Variants in ANK1 observed in about 807,000 individuals in gnomAD.
The protein encoded by ANK1 is ankyrin 1.
Under a neutral mutation model 210.4 loss-of-function variants are expected in ANK1, and 51 were observed. The ratio of observed to expected loss-of-function variants is 0.24; its 90% CI spans 0.19 to 0.31. ANK1 has a LOEUF of 0.31. Among genes scored for constraint, ANK1 ranks in the 10% least tolerant of loss-of-function variants. The pLI, the probability that ANK1 is intolerant of heterozygous loss-of-function variation, is 1.00. For synonymous variants in ANK1, 967 were observed against 1,025.9 expected (o/e 0.94, Z 1.10); for missense variants, 2,051 against 2,504.4 (o/e 0.82, Z 3.86).
intron 37 of ANK1, among the ~76,000 whole-genome samples, chr8:41,677,039 A>G (rs1472997287): frequency 1.3e-5 from 2 of 152,186 alleles, no homozygotes; most frequent in Non-Finnish European, 2.9e-5. Context: ...ATATGGGGCT[A>G]TATCTATTTC....
Position 41,700,582 on chromosome 8 carries a change from A to C in ANK1, c.2461+968T>G, listed in dbSNP as rs1014790604. On this transcript the variant is annotated intron_variant, in intron 22 of 42. Coordinates refer to ENST00000289734, the MANE Select transcript of ANK1 (RefSeq NM_000037.4). The stretch of plus-strand genomic sequence containing the variant: ...TAGTTGACAAAGTTATACAACCATG[A>C]AATTATCCAGATGGAAGGGACCACT... 1.4e-5 allele frequency: 14 copies of C among 979,128 alleles called. No homozygotes were observed. In the African/African-American group the frequency reaches 2.2e-4, roughly 16 times the overall value. The allele number at this position is 979,128 out of a possible 1,614,324, so 60.7% of individuals were successfully genotyped here. A position where few individuals can be genotyped will look rare whatever the true frequency, so the allele number is the denominator to read the frequency against.
intron 37 of ANK1, 186 bp downstream of exon 37, chr8:41,684,358 C>T: frequency 2.1e-6 from 2 of 963,392 alleles, no homozygotes; most frequent in African/African-American, 1.6e-5. Context: ...CAGGAGCAGC[C>T]ATCTCTCTCT....
chr8:41,717,835 T>C, intron 11 of ANK1, 133 bp from the exon 12 acceptor site: 1 of 988,402 alleles, frequency 1.0e-6, no homozygotes, highest in Non-Finnish European at 1.5e-6. Context: ...TGGGTTTGCT[T>C]CCAAGAAAAT....
chr8:41,685,874 C>T (rs998250518), intron 36 of ANK1, among the ~76,000 whole-genome samples: 1 of 152,226 alleles, frequency 6.6e-6, no homozygotes, highest in African/African-American at 2.4e-5. Context: ...CTTGGCCTCC[C>T]AAAGTGTGGG....
chr8:41,778,513 A>G (rs1294060098), intron 1 of ANK1, among the ~76,000 whole-genome samples: 2 of 152,224 alleles, frequency 1.3e-5, no homozygotes, highest in African/African-American at 4.8e-5. Flanking sequence ...GTGTTCCAGA[A>G]TCTTCTTGAT....
chr8:41,810,090 AC>A (rs1370509154), intron 1 of ANK1, among the ~76,000 whole-genome samples: 1 of 152,064 alleles, frequency 6.6e-6, no homozygotes, highest in Non-Finnish European at 1.5e-5. Flanking sequence ...TTCCATCTTT[AC>A]CCCTGACCTG....
intron 1 of ANK1, among the ~76,000 whole-genome samples, chr8:41,793,378 T>TCAAA (rs1408777850): frequency 6.6e-6 from 1 of 151,902 alleles, no homozygotes; most frequent in Non-Finnish European, 1.5e-5. Context: ...AGACCCTGTC[T>TCAAA]CAAACAAACA....
At chr8:41,881,776 C>T (rs538211564) in intron 1 of ANK1, among the ~76,000 whole-genome samples, 1 of 152,194 alleles carries the variant, frequency 6.6e-6, no homozygotes, top group African/African-American at 2.4e-5. Flanking sequence ...GGGACTTCAC[C>T]TTCCTGAGCC....
chr8:41,893,809 T>C (rs1819916505), intron 1 of ANK1, among the ~76,000 whole-genome samples: 1 of 152,228 alleles, frequency 6.6e-6, no homozygotes, highest in Admixed American at 6.5e-5. Context: ...GTAGTCTGTG[T>C]GAGCAGCTGT....
Position 41,663,084 on chromosome 8 carries a change from TTG to T in ANK1, c.5478+573_5478+574del, listed in dbSNP as rs199962722. ...CATGCGCCACCATGCCTGGCTAATT[TTG>T]TGTGTGTGTGTGTCTCTCTCTCTCT... On this transcript the variant is annotated intron_variant, in intron 40 of 42. Coordinates refer to ENST00000289734, the MANE Select transcript of ANK1 (RefSeq NM_000037.4). 8.8e-3 allele frequency among the ~76,000 whole-genome samples: 1,227 copies of T among 140,136 alleles called. 18 individuals are homozygous for T. Among genetic ancestry groups the T allele is most frequent in the African/African-American group, 0.031 (1,174 of 37,332 alleles). The allele number at this position is 140,136 out of a possible 152,430, so 91.9% of individuals were successfully genotyped here.
chr8:41,763,033 T>A (rs1224001206), intron 1 of ANK1, among the ~76,000 whole-genome samples: 2 of 152,114 alleles, frequency 1.3e-5, no homozygotes, highest in African/African-American at 4.8e-5. Context: ...CTGGTCAACA[T>A]GGTGAAACCA....
Position 41,702,056 on chromosome 8 carries a change from A to G in ANK1, c.2384T>C (p.Phe795Ser), listed in dbSNP as rs1563486245. ...VLKVVTDETSFVLVSDKHRMS... is the reference protein window; with the variant it reads ...VLKVVTDETSSVLVSDKHRMS... ...GCGGGGGAGAGGCAGACATACCACG[A>G]AACTGGTTTCATCCGTGACGACCTT... Residue 795 changes from phenylalanine to serine, a missense_variant, in exon 21 of 43, where the codon TTC becomes TCC. By Grantham distance (155) the Phe-to-Ser change is radical. Coordinates refer to ENST00000289734, the MANE Select transcript of ANK1 (RefSeq NM_000037.4). The G allele has an allele frequency of 6.2e-7, 1 of 1,613,928 alleles. No homozygotes were observed.
At chr8:41,723,022 G>A (rs1250738997) in intron 9 of ANK1, 103 bp downstream of exon 9, 1 of 1,012,246 alleles carries the variant, frequency 9.9e-7, no homozygotes, top group Non-Finnish European at 1.6e-6. Context: ...ATCTCATCTA[G>A]TAGTATTAGC....
intron 16 of ANK1, among the ~76,000 whole-genome samples, chr8:41,711,047 T>C (rs1476822068): frequency 6.6e-6 from 1 of 152,272 alleles, no homozygotes; most frequent in Admixed American, 6.5e-5. Flanking sequence ...TAAATTGTTC[T>C]TCGTAGGTTG....
At chr8:41,826,533 A>C (rs1170249497) in intron 1 of ANK1, among the ~76,000 whole-genome samples, 1 of 152,138 alleles carries the variant, frequency 6.6e-6, no homozygotes, top group Non-Finnish European at 1.5e-5. Context: ...TGAGCGTCCC[A>C]CCGTCCCACC....
At chr8:41,820,368 TG>T (rs1804046232) in intron 1 of ANK1, among the ~76,000 whole-genome samples, 1 of 71,840 alleles carries the variant, frequency 1.4e-5, no homozygotes, top group South Asian at 4.9e-4. Flanking sequence ...TGTGTGTGTG[TG>T]TGTGTGTGTG....
At chr8:41,882,330 G>A (rs1039298958) in intron 1 of ANK1, among the ~76,000 whole-genome samples, 12 of 152,076 alleles carry the variant, frequency 7.9e-5, no homozygotes, top group African/African-American at 4.8e-5. Context: ...TCATCGCCCC[G>A]TACATGCAGC....
chr8:41,842,133 C>T (rs1369745275), intron 1 of ANK1, among the ~76,000 whole-genome samples: 1 of 152,212 alleles, frequency 6.6e-6, no homozygotes, highest in Non-Finnish European at 1.5e-5. Flanking sequence ...CCCCAGGAGG[C>T]ACCAGGGTGG....
intron 1 of ANK1, among the ~76,000 whole-genome samples, chr8:41,858,998 C>T (rs1812729962): frequency 6.6e-6 from 1 of 152,122 alleles, no homozygotes; most frequent in South Asian, 2.1e-4. Flanking sequence ...GCCCAGCCTC[C>T]CAGGACTATT....
Sources: allele counts gnomAD v4.1 joint callset (sites outside exome capture counted in the v4.1 genomes callset), GRCh38; gene constraint gnomAD v4.1.1; transcripts MANE v1.5; gene names NCBI Gene and HGNC (gene_info 2026-07-23, HGNC 2026-07-21).